Variants in ARHGAP26 observed in about 807,000 individuals in gnomAD.
ARHGAP26 encodes the protein Rho GTPase activating protein 26.
In ARHGAP26, 38 loss-of-function variants were observed where a neutral mutation model predicts 104.8. The ratio of observed to expected loss-of-function variants is 0.36; its 90% CI spans 0.28 to 0.48. The LOEUF is 0.48. ARHGAP26 is among the 20% of genes least tolerant of loss of function. The pLI is 0.99. For synonymous variants in ARHGAP26, 341 were observed against 340.0 expected, an observed-to-expected ratio of 1.00 and a Z score of -0.03; for missense variants, 704 against 947.9, an observed-to-expected ratio of 0.74 and a Z score of 3.38.
At chr5:143,176,287 T>C (rs1357083519) in intron 20 of ARHGAP26, among the ~76,000 whole-genome samples, 3 of 152,226 alleles carry the variant, frequency 2.0e-5, no homozygotes, top group African/African-American at 7.2e-5. Context: ...GCAGACTGCA[T>C]AAGAGACTTG....
intron 10 of ARHGAP26, among the ~76,000 whole-genome samples, chr5:142,923,671 T>G (rs1292024628): frequency 6.6e-6 from 1 of 152,204 alleles, no homozygotes; most frequent in African/African-American, 2.4e-5. Context: ...GTCTTTGGGC[T>G]TCCCGATGTT....
chr5:143,007,919 G>T (rs566755425), intron 11 of ARHGAP26, among the ~76,000 whole-genome samples: 1 of 152,206 alleles, frequency 6.6e-6, no homozygotes, highest in East Asian at 1.9e-4. Context: ...GTTTCAGTTG[G>T]TTATATTACA....
chr5:142,856,836 G>A (rs1237446305), intron 1 of ARHGAP26, among the ~76,000 whole-genome samples: 2 of 152,150 alleles, frequency 1.3e-5, no homozygotes, highest in African/African-American at 4.8e-5. Flanking sequence ...AGCATCCATG[G>A]ATTTTGTTAT....
At chr5:142,979,009 A>G (rs1773536040) in intron 11 of ARHGAP26, among the ~76,000 whole-genome samples, 2 of 152,224 alleles carry the variant, frequency 1.3e-5, no homozygotes, top group South Asian at 4.1e-4. Flanking sequence ...ACCTAATGAA[A>G]TGCAATGTGT....
chr5:143,025,422 TG>T, intron 12 of ARHGAP26, among the ~76,000 whole-genome samples: 1 of 152,334 alleles, frequency 6.6e-6, no homozygotes, highest in Admixed American at 6.5e-5. Context: ...GTGACCTTGA[TG>T]GGCAGAGGCA....
At chr5:142,924,668 AT>A (rs1229321816) in intron 10 of ARHGAP26, among the ~76,000 whole-genome samples, 1 of 152,226 alleles carries the variant, frequency 6.6e-6, no homozygotes, top group Non-Finnish European at 1.5e-5. Flanking sequence ...ATGGCATATT[AT>A]TAATTCTTTC....
At chr5:143,024,739 A>G (rs1425158400) in intron 12 of ARHGAP26, among the ~76,000 whole-genome samples, 1 of 152,164 alleles carries the variant, frequency 6.6e-6, no homozygotes, top group African/African-American at 2.4e-5. Context: ...GAAAACTGAG[A>G]CTTCATTCTG....
intron 11 of ARHGAP26, among the ~76,000 whole-genome samples, chr5:142,989,895 T>G (rs1004767765): frequency 6.6e-5 from 10 of 151,954 alleles, no homozygotes; most frequent in African/African-American, 2.2e-4. Context: ...CATTTTTTCC[T>G]TCATTTCAGC....
At position 142,885,344 on chromosome 5, in the gene ARHGAP26, T is replaced by G; in HGVS notation, c.431T>G (p.Ile144Ser). The change falls in exon 5 of 23, where the codon ATC (isoleucine) becomes AGC (serine). Residue 144 changes from isoleucine to serine, a missense_variant. By Grantham distance (142) the Ile-to-Ser change is moderately radical. Around this residue, in one of 6 missense-constraint regions of ARHGAP26, gnomAD observed 106 missense variants for 120.5 expected, o/e 0.88. Coordinates refer to ENST00000645722, the MANE Select transcript of ARHGAP26 (RefSeq NM_001135608.3). ...YDKETEKYCGILEKHLNLSSK... is the reference protein window; with the variant it reads ...YDKETEKYCGSLEKHLNLSSK... ...AAAGAGACAGAAAAGTATTGTGGCA[T>G]CTTAGAAAAACACTTGAATTTGTCT... is the stretch of plus-strand genomic sequence containing the variant. 1 of 1,613,886 alleles carries G rather than the reference T, an allele frequency of 6.2e-7. No individual in the cohort carries two copies.
intron 20 of ARHGAP26, among the ~76,000 whole-genome samples, chr5:143,190,286 A>G (rs1366903289): frequency 6.6e-6 from 1 of 152,170 alleles, no homozygotes; most frequent in Non-Finnish European, 1.5e-5. Context: ...TTTTTCTTTT[A>G]TATCTTCCAA....
At chr5:142,925,081 G>C (rs1291037769) in intron 10 of ARHGAP26, among the ~76,000 whole-genome samples, 1 of 114,804 alleles carries the variant, frequency 8.7e-6, no homozygotes, top group East Asian at 6.9e-4. Flanking sequence ...TGAGGCAACA[G>C]TTTAAAACTG....
chr5:142,861,762 A>G (rs1753400646), intron 1 of ARHGAP26, among the ~76,000 whole-genome samples: 1 of 152,222 alleles, frequency 6.6e-6, no homozygotes, highest in African/African-American at 2.4e-5. Flanking sequence ...CAGGAGCCTC[A>G]GGAGGCAGGT....
chr5:142,771,368 G>T (rs1469764934), intron 1 of ARHGAP26: 5 of 1,232,066 alleles, frequency 4.1e-6, no homozygotes, highest in Non-Finnish European at 4.0e-6. Context: ...GCCTCCCCTT[G>T]GGAAAAGGTG....
At chr5:142,928,184 A>G (rs982267677) in intron 10 of ARHGAP26, among the ~76,000 whole-genome samples, 3 of 147,408 alleles carry the variant, frequency 2.0e-5, no homozygotes, top group African/African-American at 5.0e-5. Flanking sequence ...GTGAAGTCCA[A>G]TTTTTCAATA....
At chr5:143,141,935 C>A (rs1798586910) in intron 19 of ARHGAP26, among the ~76,000 whole-genome samples, 1 of 152,176 alleles carries the variant, frequency 6.6e-6, no homozygotes, top group Admixed American at 6.5e-5. Context: ...ACAGTGACTT[C>A]CCCATTCTCT....
At chr5:143,173,809 G>T (rs1803117452) in intron 20 of ARHGAP26, among the ~76,000 whole-genome samples, 2 of 152,138 alleles carry the variant, frequency 1.3e-5, no homozygotes, top group African/African-American at 4.8e-5. Context: ...AGGTGACCTT[G>T]ACCTAGACTG....
chr5:142,999,689 G>A (rs868611296), intron 11 of ARHGAP26, among the ~76,000 whole-genome samples: 23 of 151,984 alleles, frequency 1.5e-4, no homozygotes, highest in African/African-American at 5.3e-4. Flanking sequence ...AGAAAACATA[G>A]GACAAAATCT....
At chr5:142,869,756 AC>A (rs1169339988) in intron 1 of ARHGAP26, among the ~76,000 whole-genome samples, 1 of 152,208 alleles carries the variant, frequency 6.6e-6, no homozygotes, top group Non-Finnish European at 1.5e-5. Context: ...ATTATGGTAA[AC>A]CTTCTGTGTT....
intron 1 of ARHGAP26, among the ~76,000 whole-genome samples, chr5:142,841,760 G>A (rs575207753): frequency 6.6e-5 from 10 of 152,222 alleles, no homozygotes; most frequent in Non-Finnish European, 1.5e-4. Flanking sequence ...GATGGCTGGC[G>A]GAAGAGGGTA....
Sources: allele counts gnomAD v4.1 joint callset (sites outside exome capture counted in the v4.1 genomes callset), GRCh38; gene constraint gnomAD v4.1.1; regional missense constraint gnomAD v4.1.1; transcripts MANE v1.5; gene names NCBI Gene and HGNC (gene_info 2026-07-23, HGNC 2026-07-21).